The following HERC2 variants were observed in gnomAD, a reference collection of about 807,000 sequenced individuals.
HERC2 encodes E3 ubiquitin-protein ligase HERC2.
HERC2 carries 102 observed loss-of-function variants against 537.7 expected under a neutral mutation model. The ratio of observed to expected loss-of-function variants is 0.19; its 90% CI spans 0.16 to 0.22. The LOEUF is 0.22. Among genes scored for constraint, HERC2 ranks in the 10% least tolerant of loss-of-function variants. The pLI, the probability that HERC2 is intolerant of heterozygous loss-of-function variation, is 1.00. For synonymous variants in HERC2, 2,224 were observed against 2,466.2 expected (o/e 0.90, Z 2.91); for missense variants, 4,236 against 6,198.2 (o/e 0.68, Z 10.63).
intron 86 of HERC2, among the ~76,000 whole-genome samples, chr15:28,118,848 G>C (rs563713295): frequency 1.8e-3 from 278 of 152,306 alleles, no homozygotes; most frequent in African/African-American, 6.3e-3. Flanking sequence ...CCTCGCTTTG[G>C]GAGGGGCATG....
intron 69 of HERC2, among the ~76,000 whole-genome samples, chr15:28,153,720 G>C (rs1892696264): frequency 6.6e-6 from 1 of 152,224 alleles, no homozygotes; most frequent in African/African-American, 2.4e-5. Context: ...TGTGCCAGCT[G>C]ATAAAATGAA....
chr15:28,211,192 C>A, intron 43 of HERC2, 47 bp from the exon 44 acceptor site: 1 of 1,012,950 alleles, frequency 9.9e-7, no homozygotes, highest in Non-Finnish European at 1.5e-6. Context: ...TGCTCAGACT[C>A]CCTCCTCGCC....
chr15:28,212,526 C>T lies in HERC2; in HGVS notation c.6844G>A (p.Val2282Ile), dbSNP rs1272779768. ...NLPFTEPMLS[V>I]WAQLVNLAGS... ...GCGAGGTTCACCAACTGAGCCCAGA[C>T]AGACAGCATGGGCTCTGTGAAGGGC... Residue 2282 changes from valine (V) to isoleucine (I), a missense_variant, in exon 43 of 93, where the codon GTC (valine) becomes ATC (isoleucine). Transcript: ENST00000261609. The T allele has an allele frequency of 6.3e-7, 1 of 1,576,098 alleles. No individual in the cohort carries two copies.
Position 28,228,264 on chromosome 15 carries a change from G to C in HERC2, c.5418C>G (p.Leu1806=). Residue 1806 remains leucine (L), a synonymous_variant, in exon 35 of 93, where the codon CTC becomes CTG. Transcript: ENST00000261609. ...QHGANNLDLL[L]NSGMLALTQT... ...GCGTGAGGGCCAGCATGCCGGAATT[G>C]AGCAGAAGGTCGAGGTTGTTTGCGC... 6.2e-7 allele frequency: 1 copy of C among 1,613,632 alleles called. No individual in the cohort carries two copies. The highest frequency in any genetic ancestry group is 8.5e-7 in the Non-Finnish European group (1 of 1,179,868).
chr15:28,178,524 T>C (rs1895513203), intron 59 of HERC2, among the ~76,000 whole-genome samples: 1 of 152,214 alleles, frequency 6.6e-6, no homozygotes, highest in Non-Finnish European at 1.5e-5. Flanking sequence ...ACTTTGTGTC[T>C]AATTCAGTTC....
rs1361550054 is a variant in HERC2 at position 28,322,135 on chromosome 15, C to T, written c.-92G>A. 1.5e-5 allele frequency: 1 copy of T among 68,850 alleles called. No homozygotes were observed. The highest frequency in any genetic ancestry group is 2.8e-5 in the Non-Finnish European group (1 of 36,362). 4.3% of individuals were successfully genotyped at this position (68,850 alleles called of 1,614,324 possible). ...CGCGCGGACGCAGCCTCCCAAGAGC[C>T]GCTGGCTCAGCCGGCGCCCGCGATC... On this transcript the variant is annotated 5_prime_UTR_variant, in exon 1 of 93. Coordinates refer to ENST00000261609, the MANE Select transcript of HERC2 (RefSeq NM_004667.6).
chr15:28,318,133 T>C (rs1005785171), intron 2 of HERC2, among the ~76,000 whole-genome samples: 3 of 152,174 alleles, frequency 2.0e-5, no homozygotes, highest in Admixed American at 6.5e-5. Context: ...TAAGGTATCA[T>C]ATATTGTTTT....
At chr15:28,115,658 C>T (rs966496576) in intron 88 of HERC2, 117 bp from the exon 89 acceptor site, 1 of 678,098 alleles carries the variant, frequency 1.5e-6, no homozygotes, top group Non-Finnish European at 2.7e-6. Flanking sequence ...CCTTCTGAAG[C>T]AGCAACACCC....
At chr15:28,296,317 TACA>T (rs1272395348) in intron 3 of HERC2, among the ~76,000 whole-genome samples, 3 of 151,874 alleles carry the variant, frequency 2.0e-5, no homozygotes, top group African/African-American at 7.3e-5. Flanking sequence ...TTATTAAAAA[TACA>T]ACAATTAGCT....
intron 50 of HERC2, among the ~76,000 whole-genome samples, chr15:28,196,918 C>A (rs1438917021): frequency 6.6e-6 from 1 of 152,158 alleles, no homozygotes; most frequent in East Asian, 1.9e-4. Flanking sequence ...TCAACAATTC[C>A]ATACAATACC....
Position 28,111,836 on chromosome 15 carries a change from C to G in HERC2, c.14432G>C (p.Ser4811Thr). ...GACATCCTCGTTATCTGAATCGTCG[C>G]TGCTGTCGTCGGCGGCTGGCTCTCC... ...LTGEPAADDSSDDSDNEDVDS... is the reference protein window; with the variant it reads ...LTGEPAADDSTDDSDNEDVDS... The change falls in exon 93 of 93, where the codon AGC becomes ACC. Residue 4811 changes from serine to threonine, a missense_variant. Physicochemically the swap from Ser to Thr is moderately conservative, Grantham distance 58. This residue lies in a region of HERC2 where 313 missense variants were observed against 462.6 expected (regional missense o/e 0.68). Transcript: ENST00000261609. 6.8e-6 allele frequency: 11 copies of G among 1,614,214 alleles called. No homozygotes were observed. The highest frequency in any genetic ancestry group is 9.3e-6 in the Non-Finnish European group (11 of 1,180,036).
At chr15:28,319,392 C>T (rs1374047315) in intron 2 of HERC2, among the ~76,000 whole-genome samples, 3 of 151,348 alleles carry the variant, frequency 2.0e-5, no homozygotes, top group African/African-American at 7.3e-5. Context: ...ACCAGCCAGG[C>T]CAACACAGTG....
intron 30 of HERC2, 22 bp from the exon 31 acceptor site, chr15:28,230,522 A>G: frequency 1.8e-6 from 2 of 1,142,662 alleles, no homozygotes; most frequent in South Asian, 1.3e-5. Flanking sequence ...AACATCATTC[A>G]CTATAAAAAT....
intron 69 of HERC2, among the ~76,000 whole-genome samples, chr15:28,160,472 C>T (rs1045556443): frequency 1.2e-4 from 19 of 152,200 alleles, no homozygotes; most frequent in Admixed American, 2.0e-4. Flanking sequence ...CCTTGTAGTT[C>T]GATCTCAGGC....
Position 28,280,258 on chromosome 15 carries a change from C to G in HERC2, c.352G>C (p.Val118Leu), listed in dbSNP as rs149140322. Residue 118 changes from valine to leucine, a missense_variant, in exon 5 of 93, where the codon GTG (valine) becomes CTG (leucine). Val to Leu is a conservative substitution (Grantham distance 32). Coordinates refer to ENST00000261609, the MANE Select transcript of HERC2 (RefSeq NM_004667.6). ...AGGGCCTGCTGCTCTTTAACCAGCACAGAAAGACACTCCTTCAGTTCATTC... is the reference window on the plus strand; with the variant it reads ...AGGGCCTGCTGCTCTTTAACCAGCAGAGAAAGACACTCCTTCAGTTCATTC... ...DVNELKECLS[V>L]LVKEQQALAV... 1.4e-5 allele frequency: 22 copies of G among 1,613,652 alleles called. No individual in the cohort carries two copies. Among genetic ancestry groups the G allele is most frequent in the Non-Finnish European group, 1.7e-5 (20 of 1,179,828 alleles).
intron 20 of HERC2, among the ~76,000 whole-genome samples, chr15:28,250,077 A>G (rs889677061): frequency 1.6e-5 from 2 of 125,088 alleles, no homozygotes. Context: ...TTGAGCCAGG[A>G]GCACAGGTGG....
chr15:28,220,263 C>T (rs1417742030), intron 37 of HERC2, among the ~76,000 whole-genome samples, 189 bp downstream of exon 37: 3 of 152,174 alleles, frequency 2.0e-5, no homozygotes, highest in African/African-American at 7.2e-5. Flanking sequence ...TCGCCGGATC[C>T]CACAGCCACT....
chr15:28,114,111 G>T (rs563398180), intron 90 of HERC2, among the ~76,000 whole-genome samples: 1 of 152,324 alleles, frequency 6.6e-6, no homozygotes, highest in African/African-American at 2.4e-5. Flanking sequence ...CCTGCCACAC[G>T]GGGCCTCACC....
intron 69 of HERC2, among the ~76,000 whole-genome samples, 181 bp from the exon 70 acceptor site, chr15:28,153,011 C>T (rs575339532): frequency 1.3e-5 from 2 of 152,194 alleles, no homozygotes; most frequent in Admixed American, 1.3e-4. Context: ...AAAACAGAGA[C>T]AGCACAGAGC....
Sources: allele counts gnomAD v4.1 joint callset (sites outside exome capture counted in the v4.1 genomes callset), GRCh38; gene constraint gnomAD v4.1.1; regional missense constraint gnomAD v4.1.1; transcripts MANE v1.5; gene names NCBI Gene and HGNC (gene_info 2026-07-23, HGNC 2026-07-21).